Variants in LRRC28 observed in about 807,000 individuals in gnomAD.
LRRC28 encodes leucine-rich repeat-containing protein 28.
Under a neutral mutation model 45.7 loss-of-function variants are expected in LRRC28, and 39 were observed. The ratio of observed to expected loss-of-function variants is 0.85; its 90% confidence interval spans 0.66 to 1.12. The LOEUF is 1.12. Among genes scored for constraint, LRRC28 ranks in the 50% most tolerant of loss-of-function variants. The pLI, the probability that LRRC28 is intolerant of heterozygous loss-of-function variation, is 0.00. For synonymous variants in LRRC28, 206 were observed against 178.8 expected (o/e 1.15, Z -1.22); for missense variants, 435 against 438.5 (o/e 0.99, Z 0.07).
At chr15:99,385,418 C>T (rs12050653) in intron 9 of LRRC28, among the ~76,000 whole-genome samples, 24,837 of 152,178 alleles carry the variant, frequency 0.16, 2,321 homozygotes, top group East Asian at 0.31. Context: ...AACAAGGCAT[C>T]TAATAGCTGG....
chr15:99,347,072 A>G (rs1008791777), intron 6 of LRRC28, among the ~76,000 whole-genome samples: 1 of 152,228 alleles, frequency 6.6e-6, no homozygotes, highest in African/African-American at 2.4e-5. Context: ...ATACAGTACA[A>G]GTTTATTAAC....
chr15:99,370,065 C>T (rs59028050), intron 9 of LRRC28, among the ~76,000 whole-genome samples: 3 of 152,122 alleles, frequency 2.0e-5, no homozygotes, highest in Non-Finnish European at 1.5e-5. Context: ...AAGTCATATG[C>T]GTATGGTCCA....
At chr15:99,323,108 A>C (rs983326210) in intron 5 of LRRC28, among the ~76,000 whole-genome samples, 2 of 152,128 alleles carry the variant, frequency 1.3e-5, no homozygotes, top group Non-Finnish European at 2.9e-5. Context: ...AATAATGTAC[A>C]CTCAGAAACA....
rs28450716 is a variant in LRRC28 at position 99,259,855 on chromosome 15, C to T, written c.168+3730C>T. On this transcript the variant is annotated intron_variant, in intron 2 of 9. Coordinates refer to ENST00000301981, the MANE Select transcript of LRRC28 (RefSeq NM_144598.5). ...AGATAGAATAGAAAGAATGCCTTGC[C>T]TCAGTTTGAACACATCCTGATGCAA... 6.4e-4 allele frequency: 522 copies of T among 812,876 alleles called. 1 individual carries two copies. In the African/African-American group the frequency reaches 7.9e-3, roughly 12 times the overall value. 50.4% of individuals were successfully genotyped at this position (812,876 alleles called of 1,614,324 possible). A position where few individuals can be genotyped will look rare whatever the true frequency, so the allele number is the denominator to read the frequency against.
At chr15:99,379,550 C>A (rs1243935062) in intron 9 of LRRC28, among the ~76,000 whole-genome samples, 3 of 152,128 alleles carry the variant, frequency 2.0e-5, no homozygotes, top group Non-Finnish European at 4.4e-5. Flanking sequence ...TTCAGTTCTG[C>A]TCTGATCTTA....
intron 1 of LRRC28, among the ~76,000 whole-genome samples, chr15:99,254,051 G>A (rs976088086): frequency 1.3e-5 from 2 of 152,220 alleles, no homozygotes; most frequent in African/African-American, 4.8e-5. Context: ...GTTTGAGATG[G>A]TTGTGAGACA....
intron 5 of LRRC28, among the ~76,000 whole-genome samples, chr15:99,319,292 C>T (rs1049090705): frequency 6.6e-6 from 1 of 151,962 alleles, no homozygotes; most frequent in African/African-American, 2.4e-5. Flanking sequence ...TAAAATTGAC[C>T]ATCGCTAAAA....
At chr15:99,311,873 C>T (rs1955426149) in intron 5 of LRRC28, among the ~76,000 whole-genome samples, 1 of 151,664 alleles carries the variant, frequency 6.6e-6, no homozygotes, top group Admixed American at 6.6e-5. Context: ...TTTAAAAAAC[C>T]CTAAAGATTA....
intron 2 of LRRC28, among the ~76,000 whole-genome samples, chr15:99,264,906 A>G (rs2081292665): frequency 6.6e-6 from 1 of 152,204 alleles, no homozygotes; most frequent in South Asian, 2.1e-4. Context: ...GATTGACCTT[A>G]GGAATATATC....
chr15:99,272,364 C>T (rs1353035881), intron 2 of LRRC28, among the ~76,000 whole-genome samples: 7 of 152,200 alleles, frequency 4.6e-5, no homozygotes, highest in Non-Finnish European at 1.0e-4. Flanking sequence ...GTCAAGGCTT[C>T]CTCTTTGGCT....
intron 3 of LRRC28, chr15:99,284,564 T>C (rs767110803): frequency 3.9e-5 from 18 of 462,184 alleles, no homozygotes; most frequent in Non-Finnish European, 5.6e-5. Context: ...AACCTGTAGC[T>C]TCCCTGTCAC....
intron 5 of LRRC28, among the ~76,000 whole-genome samples, chr15:99,318,350 A>G (rs1265749723): frequency 1.3e-5 from 2 of 152,154 alleles, no homozygotes; most frequent in Non-Finnish European, 2.9e-5. Context: ...AAATAAAAAT[A>G]TAACAGGTGC....
chr15:99,275,088 A>G (rs1199310938), intron 2 of LRRC28, among the ~76,000 whole-genome samples: 5 of 151,774 alleles, frequency 3.3e-5, no homozygotes, highest in East Asian at 1.9e-4. Flanking sequence ...TGAACCCCCT[A>G]TGTGTGTGTG....
chr15:99,256,156 T>A (rs2081014364), intron 2 of LRRC28, 31 bp downstream of exon 2: 15 of 1,552,078 alleles, frequency 9.7e-6, no homozygotes, highest in Non-Finnish European at 1.2e-5. Context: ...ACTGAAAAAT[T>A]ATTTATACAT....
chr15:99,256,791 T>C (rs1364204332), intron 2 of LRRC28, among the ~76,000 whole-genome samples: 2 of 152,238 alleles, frequency 1.3e-5, no homozygotes, highest in African/African-American at 4.8e-5. Flanking sequence ...TAAGATAAAC[T>C]AAAAGTTTTT....
chr15:99,278,602 G>C (rs953244077), intron 3 of LRRC28, among the ~76,000 whole-genome samples: 1 of 152,240 alleles, frequency 6.6e-6, no homozygotes, highest in African/African-American at 2.4e-5. Context: ...CATTAAGAAA[G>C]ATGCTGGCTT....
intron 5 of LRRC28, among the ~76,000 whole-genome samples, chr15:99,293,465 T>A (rs1427424279): frequency 2.0e-5 from 3 of 151,430 alleles, no homozygotes; most frequent in Admixed American, 1.3e-4. Flanking sequence ...TGGTGGCGCA[T>A]GCCTGTAATC....
Position 99,381,291 on chromosome 15 carries a change from A to G in LRRC28, c.1032-4739A>G, listed in dbSNP as rs1218704211. ...CTTCATTTCATTCATTTGATCTTCA[A>G]TCACTGATACCCTTTCTTCCAGTTG... is the stretch of plus-strand genomic sequence containing the variant. On this transcript the variant is annotated intron_variant, in intron 9 of 9. Transcript: ENST00000301981. 3.9e-5 allele frequency among the ~76,000 whole-genome samples: 6 copies of G among 152,116 alleles called. No individual in the cohort carries two copies. The South Asian group carries it at 6.2e-4, about 16-fold the overall frequency.
chr15:99,267,168 A>G (rs1295235337), intron 2 of LRRC28, among the ~76,000 whole-genome samples: 3 of 152,216 alleles, frequency 2.0e-5, no homozygotes, highest in African/African-American at 2.4e-5. Flanking sequence ...ACAGCGATGC[A>G]TATGTTTATG....
Sources: allele counts gnomAD v4.1 joint callset (sites outside exome capture counted in the v4.1 genomes callset), GRCh38; gene constraint gnomAD v4.1.1; transcripts MANE v1.5; gene names NCBI Gene and HGNC (gene_info 2026-07-23, HGNC 2026-07-21).